P2RY6: variants seen among roughly 807,000 people sequenced by gnomAD.
P2RY6 encodes the protein pyrimidinergic receptor P2Y6, also known as P2Y purinoceptor 6.
In P2RY6, 19 loss-of-function variants were observed where a neutral mutation model predicts 16.3. The ratio of observed to expected loss-of-function variants is 1.16; its 90% CI spans 0.81 to 1.71. The LOEUF is 1.71. P2RY6 is among the 40% of genes most tolerant of loss of function. The pLI, the probability that P2RY6 is intolerant of heterozygous loss-of-function variation, is 0.00. For missense variants in P2RY6, 389 were observed against 455.5 expected, an observed-to-expected ratio of 0.85 and a Z score of 1.33; for synonymous variants, 184 against 201.5, an observed-to-expected ratio of 0.91 and a Z score of 0.74.
Position 73,296,236 on chromosome 11 carries a change from AT to A in P2RY6, c.-34-248del, listed in dbSNP as rs1565174429. The stretch of plus-strand genomic sequence containing the variant: ...GGAAGGCTGAAGGAAAAAAAAAAAT[AT>A]ATATATATATATATATATATAATAT... On this transcript the variant is annotated intron_variant, in intron 2 of 2. Transcript: ENST00000540124. Among the ~76,000 whole-genome samples, 423 of 82,082 alleles carry A rather than the reference AT, an allele frequency of 5.2e-3. 5 individuals carry two copies. The highest frequency in any genetic ancestry group is 6.7e-3 in the Middle Eastern group (1 of 150). The allele number at this position is 82,082 out of a possible 152,430, so 53.8% of individuals were successfully genotyped here.
chr11:73,268,144 G>T (rs557837781), upstream of P2RY6, among the ~76,000 whole-genome samples: 9 of 152,376 alleles, frequency 5.9e-5, no homozygotes, highest in South Asian at 1.2e-3. Flanking sequence ...TGTTTCCGGG[G>T]CTGGGTGTGC....
At chr11:73,296,217 C>A (rs1864465964) in intron 2 of P2RY6, among the ~76,000 whole-genome samples, 1 of 47,906 alleles carries the variant, frequency 2.1e-5, no homozygotes, top group Non-Finnish European at 3.9e-5. Context: ...ACTAGGAAGG[C>A]TGAAGGAAAA....
At chr11:73,288,851 G>A (rs945416499) in intron 1 of P2RY6, among the ~76,000 whole-genome samples, 11 of 152,220 alleles carry the variant, frequency 7.2e-5, no homozygotes, top group Non-Finnish European at 1.3e-4. Flanking sequence ...GGAAGGAAGC[G>A]AACTCTTGAC....
chr11:73,286,851 C>T (rs186741175), intron 1 of P2RY6, among the ~76,000 whole-genome samples: 15 of 152,290 alleles, frequency 9.8e-5, no homozygotes, highest in African/African-American at 3.4e-4. Context: ...GCCACTCTTC[C>T]TGAGAGACAG....
chr11:73,272,585 A>C, intron 1 of P2RY6, 119 bp downstream of exon 1: 1 of 843,594 alleles, frequency 1.2e-6, no homozygotes, highest in Non-Finnish European at 1.4e-6. Context: ...GAGTGGCAGT[A>C]GGGCAGGCAC....
intron 1 of P2RY6, among the ~76,000 whole-genome samples, chr11:73,292,443 C>A (rs1462682423): frequency 6.6e-6 from 1 of 152,124 alleles, no homozygotes; most frequent in African/African-American, 2.4e-5. Flanking sequence ...GAATGGACAC[C>A]CCGTGGCTCT....
chr11:73,277,480 A>G (rs1443342379), intron 1 of P2RY6, among the ~76,000 whole-genome samples: 1 of 152,228 alleles, frequency 6.6e-6, no homozygotes, highest in Non-Finnish European at 1.5e-5. Context: ...CACATTTCCA[A>G]GCCAATGAGT....
intron 1 of P2RY6, among the ~76,000 whole-genome samples, chr11:73,273,644 CGACT>C (rs1419418937): frequency 6.6e-6 from 1 of 152,096 alleles, no homozygotes; most frequent in Non-Finnish European, 1.5e-5. Context: ...CTGAGCCTGC[CGACT>C]CTTCTCTCCT....
intron 1 of P2RY6, among the ~76,000 whole-genome samples, chr11:73,288,811 G>A (rs910745337): frequency 1.5e-4 from 23 of 152,210 alleles, no homozygotes; most frequent in African/African-American, 5.3e-4. Context: ...GCAAGTTGGT[G>A]GTCGATCCCA....
intron 1 of P2RY6, among the ~76,000 whole-genome samples, chr11:73,290,941 C>T (rs1864219195): frequency 6.6e-6 from 1 of 152,238 alleles, no homozygotes; most frequent in Non-Finnish European, 1.5e-5. Context: ...GTCCTGAGGG[C>T]CCTCAAACCT....
In P2RY6 at chr11:73,297,673, C is replaced by T. The variant is rs1444480412; in HGVS notation, c.*168C>T. 20 of 634,776 alleles carry T rather than the reference C, an allele frequency of 3.2e-5. No individual in the cohort carries two copies. Among genetic ancestry groups the T allele is most frequent in the Non-Finnish European group, 5.6e-5 (20 of 356,452 alleles). The allele number at this position is 634,776 out of a possible 1,614,324, so 39.3% of individuals were successfully genotyped here. On this transcript the variant is annotated 3_prime_UTR_variant, in exon 3 of 3. Coordinates refer to ENST00000540124, the MANE Select transcript of P2RY6 (RefSeq NM_001277204.2). ...CCAAAAACTATTTCTTCAGCCCCTT[C>T]TCTGGCCCAGACCCTGTGGGCATGG... is the stretch of plus-strand genomic sequence containing the variant.
At chr11:73,296,236 ATAT>A (rs1385397496) in intron 2 of P2RY6, among the ~76,000 whole-genome samples, 1,407 of 82,058 alleles carry the variant, frequency 0.017, 12 homozygotes, top group South Asian at 0.032. Context: ...AAAAAAAAAT[ATAT>A]ATATATATAT....
chr11:73,270,325 G>A (rs914114598), upstream of P2RY6, among the ~76,000 whole-genome samples: 8 of 152,104 alleles, frequency 5.3e-5, no homozygotes, highest in African/African-American at 1.9e-4. Context: ...GCTTGGGGTA[G>A]GAGAATTTGG....
upstream of P2RY6, among the ~76,000 whole-genome samples, chr11:73,267,407 C>T (rs537733832): frequency 2.0e-5 from 3 of 152,194 alleles, no homozygotes; most frequent in South Asian, 2.1e-4. Context: ...TCTCAGGGGA[C>T]GGTGGCCCTA....
At chr11:73,281,592 G>A (rs1300400760) in intron 1 of P2RY6, among the ~76,000 whole-genome samples, 1 of 152,250 alleles carries the variant, frequency 6.6e-6, no homozygotes, top group Admixed American at 6.5e-5. Context: ...GGGCCAAGCA[G>A]GAGCCAGACA....
chr11:73,282,220 C>T (rs1863793341), intron 1 of P2RY6, among the ~76,000 whole-genome samples: 1 of 152,230 alleles, frequency 6.6e-6, no homozygotes, highest in Non-Finnish European at 1.5e-5. Flanking sequence ...ACGGCCACAA[C>T]CCCATTTGAG....
intron 1 of P2RY6, among the ~76,000 whole-genome samples, chr11:73,295,233 C>T (rs957773095): frequency 6.6e-6 from 1 of 152,040 alleles, no homozygotes; most frequent in Admixed American, 6.5e-5. Context: ...AAACCCAGCC[C>T]GAAAGAATGA....
Position 73,297,679 on chromosome 11 carries a change from C to T in P2RY6, c.*174C>T, listed in dbSNP as rs979249015. 1 of 626,934 alleles carries T rather than the reference C, an allele frequency of 1.6e-6. No individual in the cohort carries two copies. The highest frequency in any genetic ancestry group is 2.9e-6 in the Non-Finnish European group (1 of 350,002). The allele number at this position is 626,934 out of a possible 1,614,324, so 38.8% of individuals were successfully genotyped here. A position where few individuals can be genotyped will look rare whatever the true frequency, so the allele number is the denominator to read the frequency against. On this transcript the variant is annotated 3_prime_UTR_variant, in exon 3 of 3. Coordinates refer to ENST00000540124, the MANE Select transcript of P2RY6 (RefSeq NM_001277204.2). ...ACTATTTCTTCAGCCCCTTCTCTGG[C>T]CCAGACCCTGTGGGCATGGAGATGG...
chr11:73,288,823 C>G (rs1282724806), intron 1 of P2RY6, among the ~76,000 whole-genome samples: 2 of 152,234 alleles, frequency 1.3e-5, no homozygotes, highest in African/African-American at 4.8e-5. Context: ...TCGATCCCAG[C>G]CTGTCTGACT....
Sources: gnomAD v4.1 joint callset for allele counts (sites outside exome capture counted in the v4.1 genomes callset) on GRCh38, gnomAD v4.1.1 for gene constraint, MANE v1.5 for transcripts, NCBI Gene and HGNC (gene_info 2026-07-23, HGNC 2026-07-21) for gene names.